The following CADM1 variants were observed in gnomAD, a reference collection of about 807,000 sequenced individuals.
CADM1 encodes the protein TSLC-1.
In CADM1, 15 loss-of-function variants were observed where a neutral mutation model predicts 53.1. The observed-to-expected ratio is 0.28, with a 90% confidence interval of 0.19 to 0.44. The LOEUF is 0.44. Among genes scored for constraint, CADM1 ranks in the 20% least tolerant of loss-of-function variants. The probability of loss-of-function intolerance (pLI) is 1.00; values close to 1 mark genes in which losing one functional copy is unlikely to be tolerated. For synonymous variants in CADM1, 281 were observed against 243.0 expected (o/e 1.16, Z -1.45); for missense variants, 434 against 611.3 (o/e 0.71, Z 3.06).
At chr11:115,497,484 A>G (rs2135439497) in intron 1 of CADM1, among the ~76,000 whole-genome samples, 1 of 152,336 alleles carries the variant, frequency 6.6e-6, no homozygotes, top group East Asian at 1.9e-4. Flanking sequence ...TTGTATAAAT[A>G]TCTACATCGC....
intron 1 of CADM1, chr11:115,363,697 G>A (rs1465164033): frequency 6.6e-6 from 1 of 152,160 alleles, no homozygotes. Flanking sequence ...ATGGGAAAAG[G>A]TAAGATTCTT....
chr11:115,257,415 T>G (rs948925457), intron 1 of CADM1, among the ~76,000 whole-genome samples: 1 of 152,230 alleles, frequency 6.6e-6, no homozygotes, highest in African/African-American at 2.4e-5. Flanking sequence ...TATTAAATTG[T>G]AGCACTATTC....
chr11:115,261,474 C>T (rs1216988556), intron 1 of CADM1, among the ~76,000 whole-genome samples: 1 of 152,098 alleles, frequency 6.6e-6, no homozygotes, highest in East Asian at 1.9e-4. Flanking sequence ...TCCCACAATC[C>T]CATAACTCTG....
chr11:115,217,991 T>A lies in CADM1; in HGVS notation c.722A>T (p.Tyr241Phe). 1 of 1,607,774 alleles carries A rather than the reference T, an allele frequency of 6.2e-7. No homozygotes were observed. The highest frequency in any genetic ancestry group is 8.5e-7 in the Non-Finnish European group (1 of 1,174,346). The change falls in exon 6 of 12, where the codon TAT becomes TTT. Residue 241 changes from tyrosine (Y) to phenylalanine (F), a missense_variant and splice_region_variant. Physicochemically the swap from Tyr to Phe is conservative, Grantham distance 22. This residue lies in a region of CADM1 where 311 missense variants were observed against 435.1 expected (regional missense o/e 0.71). Coordinates refer to ENST00000331581, the MANE Select transcript of CADM1 (RefSeq NM_001301043.2). Reference sequence around the variant, plus strand: ...CATCTGAATGTGCACTTGAGGCTTATCTGTGTGACAAAAACACAAAGTATA... The same window carrying A: ...CATCTGAATGTGCACTTGAGGCTTAACTGTGTGACAAAAACACAAAGTATA... Reference protein sequence around the residue: ...LQTQRYLEVQYKPQVHIQMTY... With the variant: ...LQTQRYLEVQFKPQVHIQMTY...
rs190137690 is a variant in CADM1, at chr11:115,306,840, T to C, written c.125-66420A>G. Among the ~76,000 whole-genome samples, 8 of 152,132 alleles carry C rather than the reference T, an allele frequency of 5.3e-5. No homozygotes were observed. In the East Asian group the frequency reaches 1.2e-3, roughly 22 times the overall value. On this transcript the variant is annotated intron_variant, in intron 1 of 11. Transcript: ENST00000331581. ...ATGTCAATGTCCAAACATATAGACATGCAACAGTTTTAATTTGGTTAATGC... is the reference window on the plus strand; with the variant it reads ...ATGTCAATGTCCAAACATATAGACACGCAACAGTTTTAATTTGGTTAATGC...
Position 115,172,065 on chromosome 11 carries a change from A to G in CADM1, c.*4409T>C, listed in dbSNP as rs1938807657. 6.6e-6 allele frequency: 1 copy of G among 152,210 alleles called. No individual in the cohort carries two copies. The highest frequency in any genetic ancestry group is 2.4e-5 in the African/African-American group (1 of 41,442). 9.4% of individuals were successfully genotyped at this position (152,210 alleles called of 1,614,324 possible). A position where few individuals can be genotyped will look rare whatever the true frequency, so the allele number is the denominator to read the frequency against. On this transcript the variant is annotated 3_prime_UTR_variant, in exon 12 of 12. Transcript: ENST00000331581. ...CTGCATATCTCACTGATCTTTCCTA[A>G]CAACCTTCGAGGCTATGGTGATGTC... is the stretch of plus-strand genomic sequence containing the variant.
chr11:115,235,880 T>C (rs372758937), intron 3 of CADM1, among the ~76,000 whole-genome samples: 2 of 152,142 alleles, frequency 1.3e-5, no homozygotes, highest in African/African-American at 4.8e-5. Context: ...AATAGTAGTA[T>C]AAAGAGAGTC....
rs1938786287 is a variant in CADM1 at position 115,171,402 on chromosome 11, T to C, written c.*5072A>G. On this transcript the variant is annotated 3_prime_UTR_variant, in exon 12 of 12. Coordinates refer to ENST00000331581, the MANE Select transcript of CADM1 (RefSeq NM_001301043.2). ...TCCACAGCGGTAAAAGAATTACATT[T>C]CAGGTAGACAGAGGACAGTGAAAGA... is the stretch of plus-strand genomic sequence containing the variant. 6.6e-6 allele frequency: 1 copy of C among 152,298 alleles called. No homozygotes were observed. Among genetic ancestry groups the C allele is most frequent in the South Asian group, 2.1e-4 (1 of 4,820 alleles). 9.4% of individuals were successfully genotyped at this position (152,298 alleles called of 1,614,324 possible). A position where few individuals can be genotyped will look rare whatever the true frequency, so the allele number is the denominator to read the frequency against.
intron 1 of CADM1, among the ~76,000 whole-genome samples, chr11:115,303,491 A>T (rs965781007): frequency 4.6e-5 from 7 of 152,010 alleles, no homozygotes; most frequent in Non-Finnish European, 1.0e-4. Context: ...CATTTATTTG[A>T]TTCTGTATCT....
At chr11:115,325,563 C>G (rs893672279) in intron 1 of CADM1, among the ~76,000 whole-genome samples, 2 of 152,174 alleles carry the variant, frequency 1.3e-5, no homozygotes, top group Admixed American at 1.3e-4. Context: ...ACAACAGCAG[C>G]CAAGACTGAC....
At chr11:115,304,039 C>T (rs141494857) in intron 1 of CADM1, among the ~76,000 whole-genome samples, 179 of 152,114 alleles carry the variant, frequency 1.2e-3, no homozygotes, top group Non-Finnish European at 2.1e-3. Flanking sequence ...CTGTTGGCTT[C>T]TATAGGAAAG....
chr11:115,471,161 T>A (rs1037180990), intron 1 of CADM1, among the ~76,000 whole-genome samples: 1 of 152,242 alleles, frequency 6.6e-6, no homozygotes, highest in African/African-American at 2.4e-5. Flanking sequence ...TAAATTTTTT[T>A]TTCTCCGACC....
At chr11:115,375,775 C>G (rs1217963324) in intron 1 of CADM1, among the ~76,000 whole-genome samples, 1 of 151,954 alleles carries the variant, frequency 6.6e-6, no homozygotes, top group East Asian at 1.9e-4. Context: ...ATAGGAAATA[C>G]TTATGAAATA....
intron 1 of CADM1, among the ~76,000 whole-genome samples, chr11:115,381,803 T>G (rs1946585810): frequency 6.6e-6 from 1 of 152,172 alleles, no homozygotes; most frequent in Non-Finnish European, 1.5e-5. Context: ...ATGCATGAGA[T>G]GACTTTTAAG....
At chr11:115,222,271 T>C (rs1204606748) in intron 5 of CADM1, among the ~76,000 whole-genome samples, 1 of 152,014 alleles carries the variant, frequency 6.6e-6, no homozygotes, top group Non-Finnish European at 1.5e-5. Flanking sequence ...GAGTTTGGAG[T>C]AGAACGACAA....
intron 1 of CADM1, chr11:115,397,713 C>T (rs1473769464): frequency 0.017 from 3 of 172 alleles, no homozygotes; most frequent in Non-Finnish European, 0.044. Flanking sequence ...AGACATTGTA[C>T]TCTATCAGTT....
chr11:115,186,435 G>A (rs1448737648), intron 10 of CADM1, among the ~76,000 whole-genome samples: 1 of 152,066 alleles, frequency 6.6e-6, no homozygotes, highest in Non-Finnish European at 1.5e-5. Context: ...CTCATTCCCC[G>A]GGTGCGCACA....
chr11:115,336,077 A>C (rs1301089562), intron 1 of CADM1, among the ~76,000 whole-genome samples: 2 of 152,172 alleles, frequency 1.3e-5, no homozygotes, highest in Non-Finnish European at 2.9e-5. Flanking sequence ...TCCTTCACAC[A>C]AACTATTTTT....
chr11:115,432,133 GATGGGGTTTCACC>G (rs1411842650), intron 1 of CADM1, among the ~76,000 whole-genome samples: 2 of 151,940 alleles, frequency 1.3e-5, no homozygotes, highest in Admixed American at 6.6e-5. Flanking sequence ...TTTTAGTAGA[GATGGGGTTTCACC>G]ATGTTGGCCA....
Sources: allele counts gnomAD v4.1 joint callset (sites outside exome capture counted in the v4.1 genomes callset), GRCh38; gene constraint gnomAD v4.1.1; regional missense constraint gnomAD v4.1.1; transcripts MANE v1.5; gene names NCBI Gene and HGNC (gene_info 2026-07-23, HGNC 2026-07-21).